The following GRM3 variants were observed in gnomAD, a reference collection of about 807,000 sequenced individuals.
The protein encoded by GRM3 is metabotropic glutamate receptor 3.
GRM3 carries 26 observed loss-of-function variants against 70.5 expected under a neutral mutation model. The ratio of observed to expected loss-of-function variants is 0.37; its 90% CI spans 0.27 to 0.51. The LOEUF (loss-of-function observed/expected upper bound fraction) is 0.51, where lower values mean the gene tolerates loss of function less well. GRM3 is among the 20% of genes least tolerant of loss of function. The pLI, the probability that GRM3 is intolerant of heterozygous loss-of-function variation, is 0.93. For synonymous variants in GRM3, 443 were observed against 434.9 expected, an observed-to-expected ratio of 1.02 and a Z score of -0.23; for missense variants, 859 against 1,123.8, an observed-to-expected ratio of 0.76 and a Z score of 3.37.
rs146880348 is a variant in GRM3 at position 86,850,420 on chromosome 7, C to A, written c.2442C>A (p.Val814=). 8.4e-5 allele frequency: 136 copies of A among 1,612,862 alleles called. No homozygotes were observed. The highest frequency in any genetic ancestry group is 1.1e-4 in the Non-Finnish European group (132 of 1,179,222). ...CTGTCAGCCTGAGTGGCTTTGTGGT[C>A]TTGGGCTGTTTGTTTGCACCCAAGG... is the stretch of plus-strand genomic sequence containing the variant. ...CISVSLSGFV[V]LGCLFAPKVH... Residue 814 remains valine, a synonymous_variant, in exon 5 of 6, where the codon GTC becomes GTA. Transcript: ENST00000361669.
chr7:86,684,693 G>A (rs1365243761), intron 1 of GRM3, among the ~76,000 whole-genome samples: 1 of 152,090 alleles, frequency 6.6e-6, no homozygotes, highest in East Asian at 1.9e-4. Flanking sequence ...TGTTAAAATC[G>A]AAAATATGGT....
rs909425109 is a variant in GRM3, at chr7:86,786,124, G to T, written c.469-137G>T. 12 of 746,194 alleles carry T rather than the reference G, an allele frequency of 1.6e-5. No individual in the cohort carries two copies. The highest frequency in any genetic ancestry group is 1.6e-4 in the African/African-American group (9 of 57,096). The allele number at this position is 746,194 out of a possible 1,614,324, so 46.2% of individuals were successfully genotyped here. A position where few individuals can be genotyped will look rare whatever the true frequency, so the allele number is the denominator to read the frequency against. On this transcript the variant is annotated intron_variant, in intron 2 of 5. Transcript: ENST00000361669. This position sits in a 1 kb window ranked among gnomAD's most constrained non-coding sequence, Gnocchi z 6.0. ...AGGAAGCATCTGGTATTCATCTCAA[G>T]AACTAACAGAAAAATGTAGCCATCT...
At chr7:86,799,512 A>C (rs1797633799) in intron 3 of GRM3, among the ~76,000 whole-genome samples, 1 of 151,794 alleles carries the variant, frequency 6.6e-6, no homozygotes, top group South Asian at 2.1e-4. Flanking sequence ...TATTATTTTG[A>C]GGTATGTTCC....
At chr7:86,663,332 G>A (rs577093338) in intron 1 of GRM3, among the ~76,000 whole-genome samples, 56 of 152,036 alleles carry the variant, frequency 3.7e-4, no homozygotes, top group Middle Eastern at 3.4e-3. Context: ...TGCTGCTGGA[G>A]GGCAAGTTAG....
intron 1 of GRM3, among the ~76,000 whole-genome samples, chr7:86,695,233 T>G (rs539653599): frequency 9.8e-5 from 15 of 152,300 alleles, no homozygotes; most frequent in African/African-American, 3.4e-4. Flanking sequence ...ATGATCCATT[T>G]CCTTTCTCCT....
chr7:86,836,082 GT>G (rs1258175131), intron 3 of GRM3, among the ~76,000 whole-genome samples: 1 of 152,160 alleles, frequency 6.6e-6, no homozygotes, highest in Non-Finnish European at 1.5e-5. Flanking sequence ...TGTGTTTCCT[GT>G]CAGTTTGTCA....
intron 2 of GRM3, among the ~76,000 whole-genome samples, chr7:86,773,497 C>T (rs1796798257): frequency 6.6e-6 from 1 of 151,928 alleles, no homozygotes; most frequent in Non-Finnish European, 1.5e-5. Context: ...CATGAGAATC[C>T]AGATAGCTTG....
rs58050893 is a variant in GRM3, at chr7:86,804,407, T to C, written c.1324+17291T>C. Among the ~76,000 whole-genome samples, 1,104 of 152,178 alleles carry C rather than the reference T, an allele frequency of 7.3e-3. 17 individuals are homozygous for C. Among genetic ancestry groups the C allele is most frequent in the African/African-American group, 0.025 (1,047 of 41,522 alleles). Reference sequence around the variant, plus strand: ...ATATTAATAGAATTATCAGATATGGTATTTTTATTTTTATTTCTTGAGATG... The same window carrying C: ...ATATTAATAGAATTATCAGATATGGCATTTTTATTTTTATTTCTTGAGATG... On this transcript the variant is annotated intron_variant, in intron 3 of 5. Transcript: ENST00000361669.
chr7:86,855,304 A>C (rs1249930176), intron 5 of GRM3, among the ~76,000 whole-genome samples: 2 of 152,200 alleles, frequency 1.3e-5, no homozygotes, highest in African/African-American at 4.8e-5. Flanking sequence ...TGCAGGTGAG[A>C]ATATTGGCAC....
intron 1 of GRM3, among the ~76,000 whole-genome samples, chr7:86,738,503 C>A (rs879219153): frequency 3.3e-5 from 5 of 152,188 alleles, no homozygotes; most frequent in African/African-American, 4.8e-5. Context: ...TCTCACTCAA[C>A]TTATTTAATC....
intron 1 of GRM3, among the ~76,000 whole-genome samples, chr7:86,691,804 C>G (rs1164432574): frequency 1.3e-5 from 2 of 152,198 alleles, no homozygotes; most frequent in African/African-American, 4.8e-5. Flanking sequence ...TTGTCAGATG[C>G]TGGCACCTTG....
chr7:86,688,996 T>C (rs1243789484), intron 1 of GRM3, among the ~76,000 whole-genome samples: 1 of 148,584 alleles, frequency 6.7e-6, no homozygotes, highest in Non-Finnish European at 1.5e-5. Flanking sequence ...TTATTATATA[T>C]TAATTATATA....
intron 3 of GRM3, among the ~76,000 whole-genome samples, chr7:86,829,241 A>G (rs1021471079): frequency 5.3e-5 from 8 of 152,140 alleles, no homozygotes; most frequent in Non-Finnish European, 1.2e-4. Flanking sequence ...GATAATTAGG[A>G]CCTTGAGCTG....
intron 3 of GRM3, among the ~76,000 whole-genome samples, chr7:86,832,226 C>T (rs890896065): frequency 6.6e-6 from 1 of 150,404 alleles, no homozygotes; most frequent in African/African-American, 2.5e-5. Flanking sequence ...AAAATTGGAG[C>T]CATGTTCCTG....
In GRM3 at chr7:86,782,268, T is replaced by C. The variant is rs117588818; in HGVS notation, c.469-3993T>C. On this transcript the variant is annotated intron_variant, in intron 2 of 5. Transcript: ENST00000361669. ...TATTGATAGTGATTTCATAATGTAA[T>C]CTGCAATTTCTTCCAGAATTCATTA... 2.7e-3 allele frequency among the ~76,000 whole-genome samples: 410 copies of C among 152,216 alleles called. 15 individuals are homozygous for C. The East Asian group carries it at 0.067, about 25-fold the overall frequency.
chr7:86,769,075 C>A (rs527394605), intron 2 of GRM3, among the ~76,000 whole-genome samples: 196 of 152,182 alleles, frequency 1.3e-3, no homozygotes, highest in South Asian at 3.3e-3. Flanking sequence ...TTTACACTAA[C>A]GAGGGAAACA....
intron 1 of GRM3, among the ~76,000 whole-genome samples, chr7:86,731,957 T>A (rs1318107313): frequency 6.6e-6 from 1 of 152,162 alleles, no homozygotes; most frequent in South Asian, 2.1e-4. Flanking sequence ...GGAAATAATA[T>A]GTATTTGTTG....
chr7:86,768,293 A>G (rs1388302062), intron 2 of GRM3, among the ~76,000 whole-genome samples: 4 of 152,192 alleles, frequency 2.6e-5, no homozygotes, highest in Non-Finnish European at 4.4e-5. Flanking sequence ...AGCCATATCG[A>G]AAGCTAATTA....
At chr7:86,738,049 G>A (rs1398788098) in intron 1 of GRM3, among the ~76,000 whole-genome samples, 2 of 152,170 alleles carry the variant, frequency 1.3e-5, no homozygotes, top group Admixed American at 1.3e-4. Context: ...AGGCAGCAGT[G>A]TGGACGCACA....
Sources: allele counts gnomAD v4.1 joint callset (sites outside exome capture counted in the v4.1 genomes callset), GRCh38; gene constraint gnomAD v4.1.1; non-coding constraint Gnocchi (gnomAD v3.1); transcripts MANE v1.5; gene names NCBI Gene and HGNC (gene_info 2026-07-23, HGNC 2026-07-21).